Variants in MAP4 observed in about 807,000 individuals in gnomAD.
The protein encoded by MAP4 is microtubule associated protein 4.
A neutral mutation model predicts 170.2 loss-of-function variants in MAP4; 76 were observed. The ratio of observed to expected loss-of-function variants is 0.45; its 90% confidence interval spans 0.37 to 0.54. The LOEUF (loss-of-function observed/expected upper bound fraction) is 0.54, where lower values mean the gene tolerates loss of function less well. MAP4 is among the 20% of genes least tolerant of loss of function. MAP4 has a pLI of 0.00. For synonymous variants in MAP4, 909 were observed against 994.5 expected (o/e 0.91, Z 1.62); for missense variants, 2,506 against 2,748.0 (o/e 0.91, Z 1.97).
At chr3:47,975,907 A>G (rs904988131) in intron 3 of MAP4, among the ~76,000 whole-genome samples, 1 of 150,988 alleles carries the variant, frequency 6.6e-6, no homozygotes, top group Non-Finnish European at 1.5e-5. Flanking sequence ...CTTCTGCCTC[A>G]GCCTCCCAAG....
At chr3:47,973,088 A>C in intron 3 of MAP4, 2 of 980,702 alleles carry the variant, frequency 2.0e-6, no homozygotes, top group Non-Finnish European at 2.4e-6. Flanking sequence ...ATAAGGTGTT[A>C]ATGTAAGATG....
At chr3:47,857,410 G>A (rs2058361240) in intron 18 of MAP4, 21 bp downstream of exon 18, 1 of 1,608,596 alleles carries the variant, frequency 6.2e-7, no homozygotes, top group Non-Finnish European at 8.5e-7. Flanking sequence ...AGACCCAGTG[G>A]GCAAGGGAGG....
chr3:48,044,939 A>T (rs781320359), intron 1 of MAP4, among the ~76,000 whole-genome samples: 1 of 146,970 alleles, frequency 6.8e-6, no homozygotes, highest in Non-Finnish European at 1.5e-5. Context: ...ACAGAGCAAG[A>T]TCCTATCTCA....
intron 3 of MAP4, 50 bp downstream of exon 3, chr3:47,977,815 C>T (rs2154272970): frequency 8.3e-7 from 1 of 1,199,374 alleles, no homozygotes; most frequent in African/African-American, 1.5e-5. Context: ...TCAAGGTGTT[C>T]ATTGTAAGTG....
At chr3:47,875,236 A>G (rs1414263905) in intron 12 of MAP4, among the ~76,000 whole-genome samples, 1 of 152,224 alleles carries the variant, frequency 6.6e-6, no homozygotes, top group Non-Finnish European at 1.5e-5. Context: ...ACAAAGAATT[A>G]CATTTGATGT....
intron 17 of MAP4, among the ~76,000 whole-genome samples, chr3:47,859,098 C>T (rs546498233): frequency 1.3e-5 from 2 of 152,040 alleles, no homozygotes; most frequent in Non-Finnish European, 2.9e-5. Context: ...CACTGCACTC[C>T]AGCCTGGGCA....
intron 1 of MAP4, among the ~76,000 whole-genome samples, chr3:48,087,745 G>GCA (rs1171639123): frequency 0.07 from 7,338 of 105,552 alleles, 227 homozygotes; most frequent in East Asian, 0.18. Flanking sequence ...ACACGCACGC[G>GCA]CACACACACA....
At position 47,977,223 on chromosome 3, in the gene MAP4, T is replaced by C. The variant is rs6772507; in HGVS notation, c.292+642A>G. ...TCAGCTACTTAAGAAAATATTTATA[T>C]AGTATATCCCTGGGACTCCTGCTAC... On this transcript the variant is annotated intron_variant, in intron 3 of 20. Coordinates refer to ENST00000683076, the MANE Select transcript of MAP4 (RefSeq NM_001385682.1). Among the ~76,000 whole-genome samples the C allele has an allele frequency of 6.8e-3, 1,030 of 152,294 alleles. 14 individuals carry two copies. Among genetic ancestry groups the C allele is most frequent in the African/African-American group, 0.023 (967 of 41,550 alleles).
At position 47,910,114 on chromosome 3, in the gene MAP4, T is replaced by C; in HGVS notation, c.4307A>G (p.Glu1436Gly). The part of the protein sequence containing the change: ...INKSSPLEVL[E>G]SAACEKLPTP... ...GGGCAGTTTTTCACAGGCTGCTGAT[T>C]CCAGAACCTCTAGAGGAGATGATTT... The change falls in exon 9 of 21, where the codon GAA becomes GGA. Residue 1436 changes from glutamate (E) to glycine (G), a missense_variant. This residue lies in a region of MAP4 where 2,008 missense variants were observed against 2,206.0 expected (regional missense o/e 0.91). Transcript: ENST00000683076. 2 of 1,614,008 alleles carry C rather than the reference T, an allele frequency of 1.2e-6. No individual in the cohort carries two copies. Among genetic ancestry groups the C allele is most frequent in the Non-Finnish European group, 1.7e-6 (2 of 1,179,892 alleles).
chr3:48,063,077 AGAC>A (rs2100136691), intron 1 of MAP4, among the ~76,000 whole-genome samples: 1 of 152,130 alleles, frequency 6.6e-6, no homozygotes, highest in South Asian at 2.1e-4. Flanking sequence ...TTGCCAATTA[AGAC>A]AACAATAATT....
At chr3:47,967,336 AAAAAC>A (rs1179118309) in intron 3 of MAP4, among the ~76,000 whole-genome samples, 10 of 151,896 alleles carry the variant, frequency 6.6e-5, no homozygotes, top group South Asian at 2.1e-4. Context: ...CTCCGTCACA[AAAAAC>A]AAAACAAAAC....
At chr3:47,881,493 T>TATATATATATAA (rs2096748617) in intron 10 of MAP4, among the ~76,000 whole-genome samples, 1 of 94,938 alleles carries the variant, frequency 1.1e-5, no homozygotes, top group South Asian at 3.7e-4. Flanking sequence ...TATATATATA[T>TATATATATATAA]ATATGCATAA....
At chr3:47,969,173 G>A (rs1331863138) in intron 3 of MAP4, among the ~76,000 whole-genome samples, 3 of 152,204 alleles carry the variant, frequency 2.0e-5, no homozygotes, top group Admixed American at 6.5e-5. Flanking sequence ...TTTGGGAGGC[G>A]AACATGGGTG....
intron 2 of MAP4, 125 bp downstream of exon 2, chr3:47,998,513 A>T (rs1458703841): frequency 9.5e-6 from 7 of 735,296 alleles, no homozygotes; most frequent in Non-Finnish European, 1.6e-5. Flanking sequence ...CTAACAAAGA[A>T]ACATAAAGTT....
intron 10 of MAP4, among the ~76,000 whole-genome samples, chr3:47,878,602 C>T (rs1305893608): frequency 1.3e-5 from 2 of 152,154 alleles, no homozygotes; most frequent in South Asian, 2.1e-4. Context: ...TGCAATGCTG[C>T]GATCTCGGCT....
intron 3 of MAP4, among the ~76,000 whole-genome samples, chr3:47,961,362 T>C (rs895264568): frequency 4.6e-5 from 7 of 152,012 alleles, no homozygotes. Context: ...CAAACAAAAA[T>C]ATAGCCAGCA....
At chr3:48,056,130 C>A (rs2100131233) in intron 1 of MAP4, among the ~76,000 whole-genome samples, 1 of 147,212 alleles carries the variant, frequency 6.8e-6, no homozygotes, top group African/African-American at 2.5e-5. Context: ...GGTCAGCCCC[C>A]CGCCCGGCCA....
intron 1 of MAP4, among the ~76,000 whole-genome samples, chr3:48,059,779 G>C (rs1198852843): frequency 6.6e-6 from 1 of 152,026 alleles, no homozygotes. Context: ...GGGAGTTCGA[G>C]ACCACCCTGG....
At chr3:47,896,754 G>C (rs1219885060) in intron 10 of MAP4, among the ~76,000 whole-genome samples, 1 of 152,020 alleles carries the variant, frequency 6.6e-6, no homozygotes, top group East Asian at 1.9e-4. Flanking sequence ...CATATAAATC[G>C]TAATTGCAAT....
Sources: gnomAD v4.1 joint callset for allele counts (sites outside exome capture counted in the v4.1 genomes callset) on GRCh38, gnomAD v4.1.1 for gene constraint, gnomAD v4.1.1 regional missense constraint, MANE v1.5 for transcripts, NCBI Gene and HGNC (gene_info 2026-07-23, HGNC 2026-07-21) for gene names.